SCHIP1: variants seen among roughly 807,000 people sequenced by gnomAD.
SCHIP1 encodes schwannomin interacting protein 1, also known as schwannomin-interacting protein 1.
A neutral mutation model predicts 29.7 loss-of-function variants in SCHIP1; 8 were observed. The observed-to-expected ratio is 0.27, with a 90% confidence interval of 0.16 to 0.49. The LOEUF is 0.49. Among genes scored for constraint, SCHIP1 ranks in the 20% least tolerant of loss-of-function variants. The probability of loss-of-function intolerance (pLI) is 0.99; values close to 1 mark genes in which losing one functional copy is unlikely to be tolerated. For synonymous variants in SCHIP1, 76 were observed against 94.9 expected, an observed-to-expected ratio of 0.80 and a Z score of 1.16; for missense variants, 193 against 294.6, an observed-to-expected ratio of 0.66 and a Z score of 2.52.
the SCHIP1 span, among the ~76,000 whole-genome samples, chr3:159,823,492 T>C: frequency 9.9e-5 from 15 of 152,154 alleles, no homozygotes; most frequent in African/African-American, 3.1e-4. Context: ...TAGAGCTCAG[T>C]GTTGGAGCAA....
At chr3:159,461,458 C>A in the SCHIP1 span, among the ~76,000 whole-genome samples, 2 of 151,958 alleles carry the variant, frequency 1.3e-5, no homozygotes, top group South Asian at 4.1e-4. Context: ...AACAAAGTTG[C>A]AAACAATGGA....
the SCHIP1 span, among the ~76,000 whole-genome samples, chr3:159,312,490 C>T: frequency 6.6e-6 from 1 of 152,168 alleles, no homozygotes; most frequent in Non-Finnish European, 1.5e-5. Flanking sequence ...ACGTGCATCG[C>T]CTCCTCCCAC....
the SCHIP1 span, among the ~76,000 whole-genome samples, chr3:159,580,554 T>A: frequency 2.6e-5 from 4 of 152,214 alleles, no homozygotes; most frequent in African/African-American, 9.6e-5. Context: ...AAAATATTTA[T>A]TGGATGAAAT....
chr3:159,752,900 T>G, the SCHIP1 span, among the ~76,000 whole-genome samples: 1 of 152,256 alleles, frequency 6.6e-6, no homozygotes, highest in Non-Finnish European at 1.5e-5. Flanking sequence ...AGAATTAATG[T>G]GTCACAACGT....
chr3:159,605,388 G>A, the SCHIP1 span, among the ~76,000 whole-genome samples: 19 of 152,290 alleles, frequency 1.2e-4, no homozygotes, highest in Non-Finnish European at 2.2e-4. Context: ...TTGAACTCCT[G>A]AGTGAACTCA....
At chr3:159,864,957 A>G (rs1308249893) in intron 1 of SCHIP1, among the ~76,000 whole-genome samples, 1 of 152,230 alleles carries the variant, frequency 6.6e-6, no homozygotes, top group Admixed American at 6.5e-5. Context: ...TAACTACCAT[A>G]TTAGACAGAG....
At chr3:159,374,463 A>G in the SCHIP1 span, among the ~76,000 whole-genome samples, 3 of 152,188 alleles carry the variant, frequency 2.0e-5, no homozygotes, top group Non-Finnish European at 4.4e-5. Flanking sequence ...TAAGTAGATT[A>G]GTTATAGGAA....
At chr3:159,643,650 T>C in the SCHIP1 span, among the ~76,000 whole-genome samples, 1 of 152,140 alleles carries the variant, frequency 6.6e-6, no homozygotes, top group South Asian at 2.1e-4. Context: ...AATACTAATG[T>C]CCTTGACTAT....
At chr3:159,712,136 C>T in the SCHIP1 span, among the ~76,000 whole-genome samples, 1 of 152,186 alleles carries the variant, frequency 6.6e-6, no homozygotes, top group Non-Finnish European at 1.5e-5. Context: ...ATGCCTACCA[C>T]CAGCAGCAGC....
the SCHIP1 span, among the ~76,000 whole-genome samples, chr3:159,783,124 T>C: frequency 6.6e-6 from 1 of 152,256 alleles, no homozygotes; most frequent in Admixed American, 6.5e-5. Flanking sequence ...AGCTGCACTC[T>C]GCTAGATACT....
the SCHIP1 span, among the ~76,000 whole-genome samples, chr3:159,556,689 G>A: frequency 3.4e-5 from 5 of 146,460 alleles, no homozygotes; most frequent in African/African-American, 5.1e-5. Context: ...AACACCGCTT[G>A]TTCTCACTCA....
the SCHIP1 span, among the ~76,000 whole-genome samples, chr3:159,315,934 T>G: frequency 2.0e-5 from 3 of 149,086 alleles, no homozygotes; most frequent in Non-Finnish European, 3.0e-5. Context: ...GGGGAGGGGG[T>G]AGGGGGCTTA....
the SCHIP1 span, among the ~76,000 whole-genome samples, chr3:159,370,278 C>T: frequency 6.6e-6 from 1 of 152,126 alleles, no homozygotes; most frequent in African/African-American, 2.4e-5. Flanking sequence ...TGCTGGCCTC[C>T]AACAGACCAT....
the SCHIP1 span, among the ~76,000 whole-genome samples, chr3:159,361,072 C>T: frequency 2.8e-4 from 42 of 152,240 alleles, no homozygotes; most frequent in East Asian, 5.4e-3. Flanking sequence ...CAGACCAAAA[C>T]GGACCAAAAT....
chr3:159,437,633 T>TA, the SCHIP1 span, among the ~76,000 whole-genome samples: 1 of 151,834 alleles, frequency 6.6e-6, no homozygotes, highest in African/African-American at 2.4e-5. Flanking sequence ...CATTCGTCTT[T>TA]TAAAAAAAAA....
the SCHIP1 span, among the ~76,000 whole-genome samples, chr3:159,425,636 G>C: frequency 6.6e-6 from 1 of 152,120 alleles, no homozygotes; most frequent in South Asian, 2.1e-4. Context: ...AGATCAACAA[G>C]ACAGAAAGTT....
the SCHIP1 span, among the ~76,000 whole-genome samples, chr3:159,301,661 G>A: frequency 9.8e-3 from 1,494 of 152,230 alleles, 27 homozygotes; most frequent in African/African-American, 0.034. Flanking sequence ...AGATCTGATG[G>A]TTTAAAAGTG....
chr3:159,424,052 C>CCATCTCTACATCACCAT, the SCHIP1 span, among the ~76,000 whole-genome samples: 9 of 101,358 alleles, frequency 8.9e-5, no homozygotes, highest in South Asian at 8.0e-4. Context: ...CACCAAAAAC[C>CCATCTCTACATCACCAT]CATCAAAAAC....
chr3:159,340,003 C>T, the SCHIP1 span, among the ~76,000 whole-genome samples: 1 of 151,810 alleles, frequency 6.6e-6, no homozygotes, highest in Non-Finnish European at 1.5e-5. Context: ...TTCTAATAAC[C>T]AGGAATTATT....
Sources: gnomAD v4.1 joint callset for allele counts (sites outside exome capture counted in the v4.1 genomes callset) on GRCh38, gnomAD v4.1.1 for gene constraint, MANE v1.5 for transcripts, NCBI Gene and HGNC (gene_info 2026-07-23, HGNC 2026-07-21) for gene names.